BOLL: variants seen among roughly 807,000 people sequenced by gnomAD.
BOLL encodes boule RNA binding protein.
Under a neutral mutation model 44.4 loss-of-function variants are expected in BOLL, and 23 were observed. That is an observed-to-expected ratio of 0.52 (90% CI 0.37 to 0.73). The LOEUF (loss-of-function observed/expected upper bound fraction) is 0.73. Ranked by LOEUF, BOLL falls within the 30% of genes least tolerant of loss-of-function variation. BOLL has a pLI of 0.00. For missense variants in BOLL, 287 were observed against 338.3 expected (o/e 0.85, Z 1.19); for synonymous variants, 97 against 110.8 (o/e 0.88, Z 0.78).
At chr2:197,771,461 C>G (rs912534074) in intron 6 of BOLL, among the ~76,000 whole-genome samples, 1 of 151,612 alleles carries the variant, frequency 6.6e-6, no homozygotes, top group Non-Finnish European at 1.5e-5. Flanking sequence ...CAAACCTGCA[C>G]GTTGTGCACA....
chr2:197,729,654 C>A (rs1687050587), intron 10 of BOLL, among the ~76,000 whole-genome samples: 2 of 152,008 alleles, frequency 1.3e-5, no homozygotes, highest in African/African-American at 4.8e-5. Context: ...GGTCCCTGAC[C>A]CCTGACCCCC....
chr2:197,778,794 T>C (rs1283212178), intron 3 of BOLL, among the ~76,000 whole-genome samples, 181 bp downstream of exon 3: 1 of 147,560 alleles, frequency 6.8e-6, no homozygotes, highest in East Asian at 1.9e-4. Context: ...CAGTGTCTCC[T>C]CCCTCCAAAA....
At chr2:197,751,820 A>G (rs1339844976) in intron 9 of BOLL, among the ~76,000 whole-genome samples, 1 of 151,062 alleles carries the variant, frequency 6.6e-6, no homozygotes, top group Non-Finnish European at 1.5e-5. Flanking sequence ...CCTGATACCA[A>G]AACCTGTCAG....
intron 9 of BOLL, among the ~76,000 whole-genome samples, chr2:197,751,704 T>C (rs964311985): frequency 2.0e-5 from 3 of 152,174 alleles, no homozygotes; most frequent in African/African-American, 7.2e-5. Flanking sequence ...ATAGCCGAAT[T>C]CTACCAGAGG....
intron 9 of BOLL, among the ~76,000 whole-genome samples, chr2:197,753,254 A>G (rs1408208455): frequency 6.6e-6 from 1 of 151,848 alleles, no homozygotes; most frequent in Non-Finnish European, 1.5e-5. Context: ...CTAAAACACT[A>G]AAAGTAATGG....
chr2:197,744,264 C>A (rs568443403), intron 9 of BOLL, among the ~76,000 whole-genome samples: 2 of 152,036 alleles, frequency 1.3e-5, no homozygotes, highest in Admixed American at 6.6e-5. Context: ...AGGAGTGAGA[C>A]GGAGGCTAGA....
intron 6 of BOLL, among the ~76,000 whole-genome samples, chr2:197,767,853 G>GC (rs1689065455): frequency 6.6e-6 from 1 of 151,942 alleles, no homozygotes; most frequent in East Asian, 1.9e-4. Context: ...ATACATGCAT[G>GC]CATACATGTA....
At chr2:197,777,996 G>A (rs1157824470) in intron 3 of BOLL, among the ~76,000 whole-genome samples, 1 of 151,760 alleles carries the variant, frequency 6.6e-6, no homozygotes, top group Non-Finnish European at 1.5e-5. Context: ...GAACACACAC[G>A]CCACCCAGTG....
intron 7 of BOLL, among the ~76,000 whole-genome samples, chr2:197,761,045 G>T (rs562099055): frequency 6.6e-6 from 1 of 152,258 alleles, no homozygotes; most frequent in South Asian, 2.1e-4. Flanking sequence ...ACAAGGCCAG[G>T]TGTGGTGGCT....
At chr2:197,770,940 C>T (rs964606291) in intron 6 of BOLL, among the ~76,000 whole-genome samples, 7 of 152,010 alleles carry the variant, frequency 4.6e-5, no homozygotes, top group East Asian at 1.9e-4. Flanking sequence ...GTCAGTGTGG[C>T]GATTTCTCAA....
chr2:197,735,349 A>C (rs927753816), intron 10 of BOLL, among the ~76,000 whole-genome samples: 2 of 152,132 alleles, frequency 1.3e-5, no homozygotes. Context: ...AATTTCCTCC[A>C]ATGATTTTTC....
chr2:197,729,780 C>G (rs1354989116), intron 10 of BOLL, among the ~76,000 whole-genome samples: 1 of 151,726 alleles, frequency 6.6e-6, no homozygotes, highest in Non-Finnish European at 1.5e-5. Context: ...AACTAACAAA[C>G]AGAAAGGACA....
At chr2:197,729,304 G>T (rs62139248) in intron 10 of BOLL, among the ~76,000 whole-genome samples, 4 of 152,200 alleles carry the variant, frequency 2.6e-5, no homozygotes, top group South Asian at 2.1e-4. Flanking sequence ...CACCTGGCTC[G>T]GAGGGTCCTA....
At chr2:197,772,011 G>A in intron 5 of BOLL, 29 bp from the exon 6 acceptor site, 1 of 1,498,570 alleles carries the variant, frequency 6.7e-7, no homozygotes, top group Non-Finnish European at 9.0e-7. Flanking sequence ...AATAATAATT[G>A]AAATGTTCAA....
At chr2:197,779,150 A>G in intron 2 of BOLL, 84 bp from the exon 3 acceptor site, 9 of 1,012,600 alleles carry the variant, frequency 8.9e-6, no homozygotes, top group Non-Finnish European at 1.2e-5. Flanking sequence ...GGAGACAGAA[A>G]AAGTTATAGA....
intron 6 of BOLL, among the ~76,000 whole-genome samples, chr2:197,768,232 A>G (rs1689084815): frequency 6.6e-6 from 1 of 152,060 alleles, no homozygotes; most frequent in African/African-American, 2.4e-5. Flanking sequence ...TAGAAGTAAA[A>G]TAAGACAAAT....
chr2:197,744,354 A>T (rs1026456086), intron 9 of BOLL, among the ~76,000 whole-genome samples: 4 of 152,218 alleles, frequency 2.6e-5, no homozygotes, highest in African/African-American at 9.6e-5. Context: ...CTGCTTATAA[A>T]GGAAAACAAA....
chr2:197,764,752 A>C (rs887118115), intron 7 of BOLL, among the ~76,000 whole-genome samples: 1 of 152,152 alleles, frequency 6.6e-6, no homozygotes, highest in Non-Finnish European at 1.5e-5. Context: ...CAAACTCTCA[A>C]ATCATGAAGT....
intron 7 of BOLL, among the ~76,000 whole-genome samples, chr2:197,764,395 T>C (rs1176840284): frequency 4.6e-5 from 7 of 152,176 alleles, no homozygotes; most frequent in African/African-American, 1.4e-4. Context: ...GCAACATGGA[T>C]GGAACTGGAG....
Sources: allele counts gnomAD v4.1 joint callset (sites outside exome capture counted in the v4.1 genomes callset), GRCh38; gene constraint gnomAD v4.1.1; transcripts MANE v1.5; gene names NCBI Gene and HGNC (gene_info 2026-07-23, HGNC 2026-07-21).